The following PCBD2 variants were observed in gnomAD, a reference collection of about 807,000 sequenced individuals.
PCBD2 encodes the protein pterin-4-alpha-carbinolamine dehydratase 2.
Under a neutral mutation model 16.4 loss-of-function variants are expected in PCBD2, and 12 were observed. That is an observed-to-expected ratio of 0.73 (90% CI 0.47 to 1.19). PCBD2 has a LOEUF of 1.19. PCBD2 is among the 50% of genes most tolerant of loss of function. The pLI, the probability that PCBD2 is intolerant of heterozygous loss-of-function variation, is 0.00. For missense variants in PCBD2, 138 were observed against 156.8 expected, an observed-to-expected ratio of 0.88 and a Z score of 0.64; for synonymous variants, 58 against 61.8, an observed-to-expected ratio of 0.94 and a Z score of 0.29.
intron 2 of PCBD2, chr5:134,925,972 T>G (rs1371436144): frequency 2.6e-6 from 1 of 388,958 alleles, no homozygotes; most frequent in Non-Finnish European, 4.6e-6. Flanking sequence ...TGTGTTGGCA[T>G]CTGCTCGGGC....
chr5:134,927,596 T>C (rs751427032), intron 2 of PCBD2: 23 of 396,498 alleles, frequency 5.8e-5, no homozygotes, highest in Non-Finnish European at 9.3e-5. Flanking sequence ...ATAGGAAGTA[T>C]GTACCTGCGT....
intron 2 of PCBD2, among the ~76,000 whole-genome samples, chr5:134,944,677 C>T (rs1751270628): frequency 6.6e-6 from 1 of 152,178 alleles, no homozygotes; most frequent in Non-Finnish European, 1.5e-5. Context: ...TGTTTTCTAT[C>T]TTATAAACCC....
intron 2 of PCBD2, chr5:134,926,088 G>A (rs954764682): frequency 8.6e-6 from 3 of 349,076 alleles, no homozygotes; most frequent in East Asian, 4.2e-5. Context: ...TGGTGATTAG[G>A]AAGATGAGTA....
At chr5:134,941,118 G>GAAAA (rs764468793) in intron 2 of PCBD2, among the ~76,000 whole-genome samples, 43 of 80,202 alleles carry the variant, frequency 5.4e-4, no homozygotes, top group African/African-American at 1.6e-3. Flanking sequence ...CCATCTCAAG[G>GAAAA]AAAAAAAAAA....
chr5:134,925,385 T>C, intron 2 of PCBD2: 1 of 398,468 alleles, frequency 2.5e-6, no homozygotes, highest in Non-Finnish European at 4.4e-6. Flanking sequence ...AGTCCTCCTA[T>C]TTTTCGAATA....
At chr5:134,912,031 G>T (rs1394416835) in intron 2 of PCBD2, among the ~76,000 whole-genome samples, 1 of 152,206 alleles carries the variant, frequency 6.6e-6, no homozygotes, top group Non-Finnish European at 1.5e-5. Context: ...GTTGCCTCAG[G>T]CCCTGCCTAT....
intron 2 of PCBD2, among the ~76,000 whole-genome samples, chr5:134,916,373 T>C (rs1181502639): frequency 6.6e-6 from 1 of 152,248 alleles, no homozygotes; most frequent in Non-Finnish European, 1.5e-5. Context: ...TTCAGTTCTT[T>C]AGTCTTTTTA....
chr5:134,927,337 C>T (rs1751021308), intron 2 of PCBD2: 1 of 398,480 alleles, frequency 2.5e-6, no homozygotes, highest in Non-Finnish European at 4.4e-6. Context: ...TTTAAGAGTA[C>T]TGCAGCAAGT....
chr5:134,953,834 C>T (rs1751385792), intron 2 of PCBD2, among the ~76,000 whole-genome samples: 1 of 152,032 alleles, frequency 6.6e-6, no homozygotes, highest in African/African-American at 2.4e-5. Flanking sequence ...ATATAGTCTT[C>T]TATTTCTTTA....
chr5:134,925,173 G>T, intron 2 of PCBD2: 1 of 398,344 alleles, frequency 2.5e-6, no homozygotes, highest in South Asian at 1.3e-4. Flanking sequence ...CTGTTAGGGT[G>T]AGAAGAATTA....
At chr5:134,927,369 G>C in intron 2 of PCBD2, 1 of 398,426 alleles carries the variant, frequency 2.5e-6, no homozygotes, top group Non-Finnish European at 4.4e-6. Context: ...AGCGATGGGG[G>C]CTTCGACATG....
chr5:134,928,143 C>T (rs1485645203), intron 2 of PCBD2: 8 of 390,880 alleles, frequency 2.0e-5, no homozygotes, highest in African/African-American at 1.0e-4. Flanking sequence ...ACTAGTATGG[C>T]GATAGGTACA....
At chr5:134,928,373 T>C in intron 2 of PCBD2, 1 of 371,856 alleles carries the variant, frequency 2.7e-6, no homozygotes, top group Non-Finnish European at 4.8e-6. Context: ...ATCATTCGTT[T>C]TGTTTGAACT....
chr5:134,918,453 A>C (rs1214435762), intron 2 of PCBD2, among the ~76,000 whole-genome samples: 1 of 152,186 alleles, frequency 6.6e-6, no homozygotes, highest in African/African-American at 2.4e-5. Context: ...TGCAGTGAGC[A>C]GAGATCACGG....
rs1464205571 is a variant in PCBD2, at chr5:134,946,845, A to C, written c.217-12195A>C. 2.0e-5 allele frequency among the ~76,000 whole-genome samples: 3 copies of C among 152,224 alleles called. No individual in the cohort carries two copies. The East Asian group carries it at 5.8e-4, about 29-fold the overall frequency. ...CTCTTCCTCCACCCTTTTGGTTGTT[A>C]TTGTAGCATCTTGACTTTCAGCTTA... On this transcript the variant is annotated intron_variant, in intron 2 of 3. Transcript: ENST00000254908.
intron 2 of PCBD2, among the ~76,000 whole-genome samples, chr5:134,941,872 A>T (rs557517106): frequency 2.0e-4 from 30 of 152,102 alleles, no homozygotes; most frequent in African/African-American, 7.2e-4. Context: ...TAATCCCAGC[A>T]CTTTGGGAGG....
intron 2 of PCBD2, among the ~76,000 whole-genome samples, chr5:134,952,445 A>G (rs1012206523): frequency 2.6e-5 from 4 of 152,360 alleles, no homozygotes; most frequent in African/African-American, 9.6e-5. Flanking sequence ...AGTTTAAAGT[A>G]TAGCAATTAG....
chr5:134,954,133 AT>A (rs1415628394), intron 2 of PCBD2, among the ~76,000 whole-genome samples: 4 of 151,824 alleles, frequency 2.6e-5, no homozygotes, highest in South Asian at 4.2e-4. Context: ...AATTTTTAAA[AT>A]TTTTTTTGTA....
At chr5:134,959,933 C>T (rs1300262944) in intron 3 of PCBD2, among the ~76,000 whole-genome samples, 11 of 142,406 alleles carry the variant, frequency 7.7e-5, no homozygotes, top group Non-Finnish European at 1.7e-4. Context: ...CTCTGTTGCC[C>T]AGGCTGGAGT....
Sources: allele counts gnomAD v4.1 joint callset (sites outside exome capture counted in the v4.1 genomes callset), GRCh38; gene constraint gnomAD v4.1.1; transcripts MANE v1.5; gene names NCBI Gene and HGNC (gene_info 2026-07-23, HGNC 2026-07-21).